Variants in TLE1 observed in about 807,000 individuals in gnomAD.
The protein encoded by TLE1 is transducin-like enhancer protein 1.
TLE1 carries 21 observed loss-of-function variants against 89.8 expected under a neutral mutation model. The observed-to-expected ratio is 0.23, with a 90% CI of 0.17 to 0.34. The LOEUF (loss-of-function observed/expected upper bound fraction) is 0.34. TLE1 is among the 10% of genes least tolerant of loss of function. TLE1 has a pLI of 1.00. For synonymous variants in TLE1, 447 were observed against 407.6 expected (o/e 1.10, Z -1.16); for missense variants, 795 against 1,031.2 (o/e 0.77, Z 3.14).
intron 15 of TLE1, among the ~76,000 whole-genome samples, chr9:81,591,734 C>A (rs912986194): frequency 3.3e-5 from 5 of 152,150 alleles, no homozygotes; most frequent in Admixed American, 6.5e-5. Flanking sequence ...ATGACTTCAA[C>A]AAAGGATACT....
chr9:81,641,786 G>A (rs1306533085), intron 6 of TLE1, among the ~76,000 whole-genome samples: 1 of 152,210 alleles, frequency 6.6e-6, no homozygotes, highest in Non-Finnish European at 1.5e-5. Flanking sequence ...ACTTTGGGAG[G>A]CCGAGGTGGA....
intron 4 of TLE1, among the ~76,000 whole-genome samples, chr9:81,674,480 C>T (rs1832640445): frequency 6.6e-6 from 1 of 152,146 alleles, no homozygotes. Flanking sequence ...ACCCCCTTAC[C>T]ACCCAAGGTC....
At chr9:81,626,425 C>T (rs1487048816) in intron 8 of TLE1, among the ~76,000 whole-genome samples, 1 of 152,160 alleles carries the variant, frequency 6.6e-6, no homozygotes, top group Non-Finnish European at 1.5e-5. Context: ...CTTTTTGCTA[C>T]GGTCCAACTG....
chr9:81,644,943 G>A (rs1369125906), intron 6 of TLE1, among the ~76,000 whole-genome samples: 6 of 134,478 alleles, frequency 4.5e-5, no homozygotes, highest in East Asian at 2.3e-4. Context: ...GCAGTGAGCC[G>A]ATATCGCACC....
rs573202069 is a variant in TLE1, at chr9:81,670,088, T to C, written c.234+15588A>G. On this transcript the variant is annotated intron_variant, in intron 4 of 19. Coordinates refer to ENST00000376499, the MANE Select transcript of TLE1 (RefSeq NM_005077.5). Reference sequence around the variant, plus strand: ...CCAACCCTGCAAATCATTTGGGTAATTGGATATCTTATCTTTCTATTGCTC... The same window carrying C: ...CCAACCCTGCAAATCATTTGGGTAACTGGATATCTTATCTTTCTATTGCTC... 2.2e-3 allele frequency among the ~76,000 whole-genome samples: 339 copies of C among 152,332 alleles called. 2 individuals carry two copies. Among genetic ancestry groups the C allele is most frequent in the African/African-American group, 6.3e-3 (260 of 41,574 alleles).
intron 4 of TLE1, among the ~76,000 whole-genome samples, chr9:81,660,398 GTTTTATTT>G (rs1471375922): frequency 6.6e-6 from 1 of 151,626 alleles, no homozygotes; most frequent in Non-Finnish European, 1.5e-5. Context: ...TACATGTATG[GTTTTATTT>G]TTTTATTTTA....
chr9:81,608,177 G>C (rs1353937864), intron 14 of TLE1, among the ~76,000 whole-genome samples: 1 of 152,058 alleles, frequency 6.6e-6, no homozygotes, highest in African/African-American at 2.4e-5. Flanking sequence ...GGGAGGCCAA[G>C]GCAGGAGGAC....
intron 5 of TLE1, among the ~76,000 whole-genome samples, chr9:81,653,661 A>G (rs774145270): frequency 6.6e-6 from 1 of 152,216 alleles, no homozygotes; most frequent in Non-Finnish European, 1.5e-5. Flanking sequence ...TTTCTATTTA[A>G]AAGATATAAA....
chr9:81,649,086 C>T (rs1056115126), intron 6 of TLE1, among the ~76,000 whole-genome samples: 2 of 152,128 alleles, frequency 1.3e-5, no homozygotes, highest in Non-Finnish European at 2.9e-5. Context: ...TTCTGCCAGT[C>T]ATCAAATTTG....
intron 14 of TLE1, 102 bp downstream of exon 14, chr9:81,610,118 T>C: frequency 9.6e-7 from 1 of 1,041,956 alleles, no homozygotes; most frequent in Non-Finnish European, 1.4e-6. Flanking sequence ...GAAATCTCCT[T>C]GGAAACGCCC....
intron 4 of TLE1, among the ~76,000 whole-genome samples, chr9:81,659,224 GC>G (rs1209579990): frequency 6.6e-6 from 1 of 152,108 alleles, no homozygotes; most frequent in Admixed American, 6.5e-5. Flanking sequence ...AGTGACTCCT[GC>G]CCATGCTTCT....
chr9:81,684,911 C>A (rs1172705548), intron 4 of TLE1, among the ~76,000 whole-genome samples: 1 of 152,184 alleles, frequency 6.6e-6, no homozygotes, highest in African/African-American at 2.4e-5. Context: ...TTTAGCTTTT[C>A]TTCTCTTATG....
At chr9:81,620,928 A>T in intron 8 of TLE1, 1 of 526,274 alleles carries the variant, frequency 1.9e-6, no homozygotes, top group South Asian at 1.4e-5. Flanking sequence ...AAATCTTGAG[A>T]TTACTCTATT....
intron 14 of TLE1, chr9:81,600,092 A>T: frequency 1.3e-6 from 1 of 745,100 alleles, no homozygotes; most frequent in Non-Finnish European, 2.5e-6. Flanking sequence ...AAACTTCTCA[A>T]TGTGCTGGGG....
rs542695653 is a variant in TLE1, at chr9:81,688,359, G to C, written c.-119C>G. On this transcript the variant is annotated 5_prime_UTR_variant, in exon 1 of 20. Transcript: ENST00000376499. ...GCCAAGCAGAAGCGGGGAGCGCGCT[G>C]GCCACGCACGCGCGCTCCGCCGGGC... 1.7e-6 allele frequency: 2 copies of C among 1,151,504 alleles called. No homozygotes were observed. The highest frequency in any genetic ancestry group is 2.3e-6 in the Non-Finnish European group (2 of 862,434). 71.3% of individuals were successfully genotyped at this position (1,151,504 alleles called of 1,614,324 possible). A position where few individuals can be genotyped will look rare whatever the true frequency, so the allele number is the denominator to read the frequency against.
chr9:81,688,547 C>A lies in TLE1; in HGVS notation c.-307G>T, dbSNP rs1834671371. ...ACTGTGCGCGGGGGCAGCGCTCCAA[C>A]CCCCGGCCTCAGCTGCCCGGGCGGG... On this transcript the variant is annotated 5_prime_UTR_variant, in exon 1 of 20. Transcript: ENST00000376499. 6.2e-6 allele frequency: 2 copies of A among 320,488 alleles called. No individual in the cohort carries two copies. Among genetic ancestry groups the A allele is most frequent in the Non-Finnish European group, 5.6e-6 (1 of 177,890 alleles). The allele number at this position is 320,488 out of a possible 1,614,324, so 19.9% of individuals were successfully genotyped here. A position where few individuals can be genotyped will look rare whatever the true frequency, so the allele number is the denominator to read the frequency against.
At chr9:81,612,050 T>G in intron 12 of TLE1, 91 bp from the exon 13 acceptor site, 1 of 1,040,674 alleles carries the variant, frequency 9.6e-7, no homozygotes, top group South Asian at 3.4e-5. Context: ...TTAGTGTCAC[T>G]CATGGGGAGA....
intron 14 of TLE1, among the ~76,000 whole-genome samples, chr9:81,605,857 A>C (rs1394182306): frequency 6.6e-6 from 1 of 152,064 alleles, no homozygotes; most frequent in Non-Finnish European, 1.5e-5. Context: ...ATGGGAGAAA[A>C]TTTTTGCAAT....
In TLE1 at chr9:81,584,190, T is replaced by G. The variant is rs1305296994; in HGVS notation, c.*8A>C. On this transcript the variant is annotated 3_prime_UTR_variant, in exon 20 of 20. Coordinates refer to ENST00000376499, the MANE Select transcript of TLE1 (RefSeq NM_005077.5). ...ATTCAACTATAAACGTTAAACCACATAATGTTTTCAGTAGATGACTTCATA... is the reference window on the plus strand; with the variant it reads ...ATTCAACTATAAACGTTAAACCACAGAATGTTTTCAGTAGATGACTTCATA... 1 of 1,609,214 alleles carries G rather than the reference T, an allele frequency of 6.2e-7. No homozygotes were observed. The highest frequency in any genetic ancestry group is 1.3e-5 in the African/African-American group (1 of 74,964).
Sources: gnomAD v4.1 joint callset for allele counts (sites outside exome capture counted in the v4.1 genomes callset) on GRCh38, gnomAD v4.1.1 for gene constraint, MANE v1.5 for transcripts, NCBI Gene and HGNC (gene_info 2026-07-23, HGNC 2026-07-21) for gene names.